Variants in ANKRD16 observed in about 807,000 individuals in gnomAD.
ANKRD16 encodes ankyrin repeat domain 16, also known as ankyrin repeat domain-containing protein 16.
A neutral mutation model predicts 37.9 loss-of-function variants in ANKRD16; 35 were observed. The ratio of observed to expected loss-of-function variants is 0.92; its 90% confidence interval spans 0.71 to 1.23. The LOEUF is 1.23. Among genes scored for constraint, ANKRD16 ranks in the 50% most tolerant of loss-of-function variants. The pLI is 0.00. For missense variants in ANKRD16, 480 were observed against 469.9 expected (o/e 1.02, Z -0.20); for synonymous variants, 206 against 197.2 (o/e 1.04, Z -0.37).
Position 5,876,617 on chromosome 10 carries a change from CCAGAACA to C in ANKRD16, c.*33+1473_*33+1479del, listed in dbSNP as rs546188748. On this transcript the variant is annotated intron_variant, in intron 7 of 7. Coordinates refer to ENST00000380094, the MANE Select transcript of ANKRD16 (RefSeq NM_019046.3). ...AGGTCACAAGACAGGAGTGTTTCTA[CCAGAACA>C]CTGATTTGGTGGTTAGAAACAGGAA... is the stretch of plus-strand genomic sequence containing the variant. Among the ~76,000 whole-genome samples the C allele has an allele frequency of 4.1e-3, 623 of 152,282 alleles. 6 individuals are homozygous for C. The highest frequency in any genetic ancestry group is 0.014 in the African/African-American group (595 of 41,560).
intron 4 of ANKRD16, among the ~76,000 whole-genome samples, 165 bp from the exon 5 acceptor site, chr10:5,883,332 GAGA>G (rs1842351882): frequency 2.6e-5 from 4 of 151,634 alleles, no homozygotes; most frequent in African/African-American, 7.3e-5. Flanking sequence ...CTTTTTTTTT[GAGA>G]CGAAGTCTCA....
chr10:5,866,972 G>T lies in ANKRD16; in HGVS notation c.*34-4281C>A, dbSNP rs577823725. ...ACAAAGAGGGAGTCAGAAGGAGAGA[G>T]AAAGACAAAGAAGAAGTCAAAGAGA... On this transcript the variant is annotated intron_variant, in intron 7 of 7. Transcript: ENST00000380094. The surrounding 1 kb of genome is among the most constrained non-coding windows in gnomAD (Gnocchi z 4.3). Among the ~76,000 whole-genome samples, 13 of 152,108 alleles carry T rather than the reference G, an allele frequency of 8.5e-5. No individual in the cohort carries two copies. The highest frequency in any genetic ancestry group is 3.1e-4 in the African/African-American group (13 of 41,496).
chr10:5,878,275 G>T lies in ANKRD16; in HGVS notation c.941C>A (p.Ala314Asp). The stretch of plus-strand genomic sequence containing the variant: ...ACAGGCCAAGTGCTGACCTGCACAG[G>T]CCAGATGCAGGGCTGAGGGGTGACA... ...DEKNRSALHL[A>D]CAGQHLACAK... Residue 314 changes from alanine to aspartate, a missense_variant, in exon 7 of 8, where the codon GCC becomes GAC. By Grantham distance (126) the Ala-to-Asp change is moderately radical. Coordinates refer to ENST00000380094, the MANE Select transcript of ANKRD16 (RefSeq NM_019046.3). The surrounding 1 kb of genome is among the most constrained non-coding windows in gnomAD (Gnocchi z 5.1). 6.2e-7 allele frequency: 1 copy of T among 1,613,702 alleles called. No homozygotes were observed. The highest frequency in any genetic ancestry group is 1.3e-5 in the African/African-American group (1 of 75,026).
In ANKRD16 at chr10:5,878,412, A is replaced by G. The variant is rs989856315; in HGVS notation, c.929-125T>C. 24 of 862,436 alleles carry G rather than the reference A, an allele frequency of 2.8e-5. No individual in the cohort carries two copies. The highest frequency in any genetic ancestry group is 3.9e-5 in the Non-Finnish European group (23 of 582,928). 53.4% of individuals were successfully genotyped at this position (862,436 alleles called of 1,614,324 possible). On this transcript the variant is annotated intron_variant, in intron 6 of 7. Transcript: ENST00000380094. The surrounding 1 kb of genome is among the most constrained non-coding windows in gnomAD (Gnocchi z 5.1). ...ATATCTTCCGTAATCCATCTTCACA[A>G]CTTCACCTATACTAGATCAAAATAT...
intron 4 of ANKRD16, among the ~76,000 whole-genome samples, chr10:5,883,540 C>A (rs1842355480): frequency 2.6e-5 from 4 of 152,154 alleles, no homozygotes; most frequent in Admixed American, 2.6e-4. Flanking sequence ...GATGACCCAC[C>A]CGCTTTGGCC....
chr10:5,881,438 T>TTTTATATATATATA (rs1554796692), intron 5 of ANKRD16, among the ~76,000 whole-genome samples: 4 of 51,022 alleles, frequency 7.8e-5, no homozygotes, highest in African/African-American at 2.9e-4. Context: ...AAAATATTAT[T>TTTTATATATATATA]TATATATATA....
At position 5,864,867 on chromosome 10, in the gene ANKRD16, G is replaced by A. The variant is rs1253973865; in HGVS notation, c.*34-2176C>T. On this transcript the variant is annotated intron_variant, in intron 7 of 7. Transcript: ENST00000380094. The surrounding 1 kb of genome is among the most constrained non-coding windows in gnomAD (Gnocchi z 4.4). ...GGAAGAAAATCCTTCTGCCTTCCTC[G>A]AGCGGCTACGGGAGGCCTTAAGAAA... Among the ~76,000 whole-genome samples the A allele has an allele frequency of 1.3e-5, 2 of 152,130 alleles. No homozygotes were observed. The highest frequency in any genetic ancestry group is 2.4e-5 in the African/African-American group (1 of 41,398).
At chr10:5,867,026 A>G (rs903455901) in intron 7 of ANKRD16, among the ~76,000 whole-genome samples, 10 of 152,222 alleles carry the variant, frequency 6.6e-5, no homozygotes, top group African/African-American at 2.4e-4. Context: ...TAGTAAAGAA[A>G]AAACAGTGTA....
Position 5,868,524 on chromosome 10 carries a change from G to A in ANKRD16, c.*34-5833C>T, listed in dbSNP as rs545013483. ...ACTCTATAAAAATGCACCAATCAGCGCTCTGTGTCTAGCTAAAGGATTGTA... is the reference window on the plus strand; with the variant it reads ...ACTCTATAAAAATGCACCAATCAGCACTCTGTGTCTAGCTAAAGGATTGTA... On this transcript the variant is annotated intron_variant, in intron 7 of 7. Transcript: ENST00000380094. This position sits in a 1 kb window ranked among gnomAD's most constrained non-coding sequence, Gnocchi z 4.9. Among the ~76,000 whole-genome samples, 9 of 152,204 alleles carry A rather than the reference G, an allele frequency of 5.9e-5. No homozygotes were observed. The South Asian group carries it at 6.2e-4, about 11-fold the overall frequency.
intron 2 of ANKRD16, 140 bp downstream of exon 2, chr10:5,887,707 C>CG (rs1842458762): frequency 5.2e-6 from 1 of 191,012 alleles, no homozygotes; most frequent in African/African-American, 2.4e-5. Context: ...CCCCTCCCCC[C>CG]CAGATGTTCT....
rs1045460083 is a variant in ANKRD16 at position 5,868,318 on chromosome 10, C to G, written c.*34-5627G>C. Among the ~76,000 whole-genome samples, 1 of 152,144 alleles carries G rather than the reference C, an allele frequency of 6.6e-6. No homozygotes were observed. The highest frequency in any genetic ancestry group is 6.5e-5 in the Admixed American group (1 of 15,274). ...TAGAGGACACTACAACTGCAGGGACCCTTCTTTGCCCCTATCCAGCAGGAA... is the reference window on the plus strand; with the variant it reads ...TAGAGGACACTACAACTGCAGGGACGCTTCTTTGCCCCTATCCAGCAGGAA... On this transcript the variant is annotated intron_variant, in intron 7 of 7. Coordinates refer to ENST00000380094, the MANE Select transcript of ANKRD16 (RefSeq NM_019046.3). The surrounding 1 kb of genome is among the most constrained non-coding windows in gnomAD (Gnocchi z 4.9).
intron 4 of ANKRD16, among the ~76,000 whole-genome samples, chr10:5,883,376 C>T (rs112199713): frequency 6.6e-5 from 10 of 152,318 alleles, no homozygotes; most frequent in African/African-American, 1.4e-4. Flanking sequence ...TGCAGTGGCA[C>T]AATCTTGGCT....
At chr10:5,884,238 T>G (rs906311569) in intron 3 of ANKRD16, among the ~76,000 whole-genome samples, 161 bp from the exon 4 acceptor site, 5 of 152,228 alleles carry the variant, frequency 3.3e-5, no homozygotes, top group African/African-American at 1.2e-4. Context: ...AACTGAGCAC[T>G]AAGCCTTCAG....
At chr10:5,886,593 A>G (rs1842427192) in intron 2 of ANKRD16, among the ~76,000 whole-genome samples, 1 of 152,208 alleles carries the variant, frequency 6.6e-6, no homozygotes, top group African/African-American at 2.4e-5. Flanking sequence ...TCTGTCTCAA[A>G]AAAAAACAAA....
chr10:5,882,918 G>C, intron 5 of ANKRD16, 88 bp downstream of exon 5: 3 of 1,439,206 alleles, frequency 2.1e-6, no homozygotes, highest in Non-Finnish European at 2.8e-6. Flanking sequence ...TAGAGATGGG[G>C]TCAAAGAAAC....
intron 7 of ANKRD16, among the ~76,000 whole-genome samples, chr10:5,872,764 G>T (rs536782918): frequency 3.3e-5 from 5 of 151,872 alleles, no homozygotes; most frequent in South Asian, 2.1e-4. Context: ...CACCGTGTTA[G>T]CCAAGATGGT....
chr10:5,880,412 G>T (rs1172328757), intron 5 of ANKRD16, 36 bp from the exon 6 acceptor site: 2 of 1,420,408 alleles, frequency 1.4e-6, no homozygotes, highest in South Asian at 1.3e-5. Flanking sequence ...CTGTGATGAG[G>T]ATAAAAGAAA....
In ANKRD16 at chr10:5,870,230, C is replaced by G. The variant is rs1842065560; in HGVS notation, c.*34-7539G>C. On this transcript the variant is annotated intron_variant, in intron 7 of 7. Coordinates refer to ENST00000380094, the MANE Select transcript of ANKRD16 (RefSeq NM_019046.3). The surrounding 1 kb of genome is among the most constrained non-coding windows in gnomAD (Gnocchi z 5.0). ...CATTCTCTCTCAAACCTGCTCTGAT[C>G]TTTGTCCAGCTCCTCACCGACCCCT... Among the ~76,000 whole-genome samples the G allele has an allele frequency of 6.6e-6, 1 of 152,076 alleles. No homozygotes were observed.
chr10:5,872,229 A>C (rs1254103927), intron 7 of ANKRD16, among the ~76,000 whole-genome samples: 1 of 152,150 alleles, frequency 6.6e-6, no homozygotes, highest in Non-Finnish European at 1.5e-5. Flanking sequence ...CTGTAAACCT[A>C]GCACTTTGGG....
Sources: allele counts gnomAD v4.1 joint callset (sites outside exome capture counted in the v4.1 genomes callset), GRCh38; gene constraint gnomAD v4.1.1; non-coding constraint Gnocchi (gnomAD v3.1); transcripts MANE v1.5; gene names NCBI Gene and HGNC (gene_info 2026-07-23, HGNC 2026-07-21).